The following PCDHA8 variants were observed in gnomAD, a reference collection of about 807,000 sequenced individuals.
The protein encoded by PCDHA8 is protocadherin alpha 8.
A neutral mutation model predicts 61.8 loss-of-function variants in PCDHA8; 53 were observed. That is an observed-to-expected ratio of 0.86 (90% confidence interval 0.69 to 1.08). PCDHA8 has a LOEUF of 1.08. PCDHA8 is among the 50% of genes least tolerant of loss of function. The pLI is 0.00. For missense variants in PCDHA8, 1,293 were observed against 1,245.0 expected (o/e 1.04, Z -0.58); for synonymous variants, 618 against 556.6 (o/e 1.11, Z -1.55).
chr5:141,007,394 A>G (rs2098323051), intron 3 of PCDHA8, among the ~76,000 whole-genome samples: 16 of 86,170 alleles, frequency 1.9e-4, no homozygotes, highest in Non-Finnish European at 3.5e-4. Context: ...CTACTAAAAT[A>G]CAAAAAAAAA....
chr5:140,949,924 AT>A (rs144693243), intron 1 of PCDHA8, among the ~76,000 whole-genome samples: 8,382 of 151,404 alleles, frequency 0.055, 277 homozygotes, highest in Non-Finnish European at 0.077. Context: ...CTATTTTTAG[AT>A]TTTTTTTAAT....
chr5:140,849,923 G>C, intron 1 of PCDHA8: 3 of 1,598,322 alleles, frequency 1.9e-6, no homozygotes, highest in Non-Finnish European at 2.6e-6. Context: ...ACATCTTCAC[G>C]GTGTCTGCGC....
At chr5:140,925,978 T>G (rs2082847274) in intron 1 of PCDHA8, among the ~76,000 whole-genome samples, 1 of 152,164 alleles carries the variant, frequency 6.6e-6, no homozygotes, top group Admixed American at 6.5e-5. Flanking sequence ...AAAAAAGCCT[T>G]GAGCTCGCTG....
At chr5:140,862,371 T>C in intron 1 of PCDHA8, 1 of 341,736 alleles carries the variant, frequency 2.9e-6, no homozygotes, top group Non-Finnish European at 5.8e-6. Flanking sequence ...ACCCGCACCC[T>C]GACTCCTCAC....
At chr5:140,941,214 C>CTTCCTTTCTTTCTTT (rs1554214039) in intron 1 of PCDHA8, among the ~76,000 whole-genome samples, 1 of 122,414 alleles carries the variant, frequency 8.2e-6, no homozygotes, top group Non-Finnish European at 1.7e-5. Context: ...TTTCTTTCTT[C>CTTCCTTTCTTTCTTT]CTTTCTTTCT....
intron 1 of PCDHA8, chr5:140,869,778 C>T (rs782226363): frequency 4.0e-5 from 65 of 1,612,804 alleles, no homozygotes; most frequent in Admixed American, 5.0e-5. Flanking sequence ...TTACTGGCAC[C>T]GTTCGGCTGT....
chr5:140,915,838 A>AG (rs1359061531), intron 1 of PCDHA8, among the ~76,000 whole-genome samples: 1 of 152,154 alleles, frequency 6.6e-6, no homozygotes, highest in Admixed American at 6.5e-5. Flanking sequence ...TAAGATCAGC[A>AG]GGGGGTGACA....
intron 1 of PCDHA8, chr5:140,848,326 C>T (rs1554142056): frequency 2.5e-6 from 2 of 808,244 alleles, no homozygotes; most frequent in African/African-American, 3.4e-5. Flanking sequence ...GATGTTCTCT[C>T]TGAATCCAGA....
At chr5:140,888,260 A>G (rs563968634) in intron 1 of PCDHA8, among the ~76,000 whole-genome samples, 1 of 152,194 alleles carries the variant, frequency 6.6e-6, no homozygotes, top group South Asian at 2.1e-4. Flanking sequence ...GTAGTTCTTG[A>G]TAAGAAACAG....
At chr5:140,883,390 G>T (rs373348994) in intron 1 of PCDHA8, 4 of 1,614,050 alleles carry the variant, frequency 2.5e-6, no homozygotes, top group East Asian at 4.5e-5. Context: ...TAATCAGTGT[G>T]TCCGATCGTG....
At chr5:140,889,218 G>T (rs1163027011) in intron 1 of PCDHA8, among the ~76,000 whole-genome samples, 1 of 151,574 alleles carries the variant, frequency 6.6e-6, no homozygotes, top group Non-Finnish European at 1.5e-5. Flanking sequence ...AAGAAGAATA[G>T]TCTTTGAAAA....
intron 1 of PCDHA8, chr5:140,929,209 G>C (rs553616030): frequency 1.2e-6 from 2 of 1,613,936 alleles, no homozygotes. Context: ...GCTGTTGCGT[G>C]GGGAGTACAA....
Position 141,009,711 on chromosome 5 carries a change from C to G in PCDHA8, c.2627C>G (p.Pro876Arg), listed in dbSNP as rs575518914. Reference sequence around the variant, plus strand: ...ACCTTTAAATACGGACCAGGCAACCCCAAACAATCCGGTCCCGGTGAGTTG... The same window carrying G: ...ACCTTTAAATACGGACCAGGCAACCGCAAACAATCCGGTCCCGGTGAGTTG... The part of the protein sequence containing the change: ...SWTFKYGPGN[P>R]KQSGPGELPD... Residue 876 changes from proline to arginine, a missense_variant, in exon 4 of 4, where the codon CCC (proline) becomes CGC (arginine). Transcript: ENST00000531613. The G allele has an allele frequency of 6.2e-6, 10 of 1,613,982 alleles. No homozygotes were observed. Among genetic ancestry groups the G allele is most frequent in the Non-Finnish European group, 8.5e-6 (10 of 1,180,036 alleles).
intron 3 of PCDHA8, among the ~76,000 whole-genome samples, chr5:140,983,986 G>A (rs1475891501): frequency 2.0e-5 from 3 of 152,176 alleles, no homozygotes; most frequent in African/African-American, 7.2e-5. Context: ...ACGAGTTGAA[G>A]CAATTCATTA....
At position 140,979,015 on chromosome 5, in the gene PCDHA8, T is replaced by C. The variant is rs782169362; in HGVS notation, c.2453+8T>C. ...GAGAGCAGGCATGCACAGGTATGTATTTCCCTCCTCATTCACTCAGAAGTA... is the reference window on the plus strand; with the variant it reads ...GAGAGCAGGCATGCACAGGTATGTACTTCCCTCCTCATTCACTCAGAAGTA... On this transcript the variant is annotated splice_region_variant and intron_variant, in intron 2 of 3. Coordinates refer to ENST00000531613, the MANE Select transcript of PCDHA8 (RefSeq NM_018911.3). 1 of 1,613,802 alleles carries C rather than the reference T, an allele frequency of 6.2e-7. No individual in the cohort carries two copies. Among genetic ancestry groups the C allele is most frequent in the Non-Finnish European group, 8.5e-7 (1 of 1,179,916 alleles).
chr5:140,869,429 T>C lies in PCDHA8; in HGVS notation c.2394+25714T>C, dbSNP rs1006497068. ...GAGTGCAGCATCCACCTGGAGGTGA[T>C]CGTGGACAGGCCGCTGCAGGTTTTC... is the stretch of plus-strand genomic sequence containing the variant. On this transcript the variant is annotated intron_variant, in intron 1 of 3. Coordinates refer to ENST00000531613, the MANE Select transcript of PCDHA8 (RefSeq NM_018911.3). The C allele has an allele frequency of 2.2e-5, 35 of 1,614,074 alleles. No homozygotes were observed. The highest frequency in any genetic ancestry group is 3.0e-5 in the Non-Finnish European group (35 of 1,180,048).
rs10602499 is a variant in PCDHA8 at position 140,992,017 on chromosome 5, C to CTGTGTGTGTG, written c.2542+9482_2542+9491dup. Among the ~76,000 whole-genome samples, 121 of 145,620 alleles carry CTGTGTGTGTG rather than the reference C, an allele frequency of 8.3e-4. 2 individuals are homozygous for CTGTGTGTGTG. The highest frequency in any genetic ancestry group is 3.5e-3 in the Middle Eastern group (1 of 288). ...CTTTCATGTTCAGGCAGAGGTGGCT[C>CTGTGTGTGTG]TGTGTGTGTGTGTGTGTGTGTGTGT... On this transcript the variant is annotated intron_variant, in intron 3 of 3. Transcript: ENST00000531613.
intron 1 of PCDHA8, among the ~76,000 whole-genome samples, chr5:140,956,034 A>C (rs1274584028): frequency 1.3e-5 from 2 of 152,200 alleles, no homozygotes; most frequent in Non-Finnish European, 2.9e-5. Flanking sequence ...TTATCAGCTT[A>C]AGAAGCTTTT....
intron 1 of PCDHA8, among the ~76,000 whole-genome samples, chr5:140,942,598 A>C: frequency 7.1e-6 from 1 of 140,144 alleles, no homozygotes; most frequent in East Asian, 2.1e-4. Flanking sequence ...ATATAATTAT[A>C]GTGTTTATAT....
Sources: gnomAD v4.1 joint callset for allele counts (sites outside exome capture counted in the v4.1 genomes callset) on GRCh38, gnomAD v4.1.1 for gene constraint, MANE v1.5 for transcripts, NCBI Gene and HGNC (gene_info 2026-07-23, HGNC 2026-07-21) for gene names.